The following RBFOX2 variants were observed in gnomAD, a reference collection of about 807,000 sequenced individuals.
RBFOX2 encodes the protein RNA binding protein fox-1 homolog 2.
In RBFOX2, 10 loss-of-function variants were observed where a neutral mutation model predicts 49.1. That is an observed-to-expected ratio of 0.20 (90% CI 0.13 to 0.35). The LOEUF (loss-of-function observed/expected upper bound fraction) is 0.35, where lower values mean the gene tolerates loss of function less well. RBFOX2 is among the 10% of genes least tolerant of loss of function. RBFOX2 has a pLI of 1.00. For synonymous variants in RBFOX2, 183 were observed against 187.4 expected (o/e 0.98, Z 0.19); for missense variants, 323 against 486.9 (o/e 0.66, Z 3.17).
intron 1 of RBFOX2, among the ~76,000 whole-genome samples, chr22:35,972,130 G>C (rs947220299): frequency 6.6e-6 from 1 of 151,926 alleles, no homozygotes; most frequent in East Asian, 1.9e-4. Flanking sequence ...CTAGAGCCCA[G>C]AAACCCCCCA....
chr22:36,010,409 G>A (rs1183244701), intron 1 of RBFOX2, among the ~76,000 whole-genome samples: 1 of 152,070 alleles, frequency 6.6e-6, no homozygotes, highest in Non-Finnish European at 1.5e-5. Flanking sequence ...CACAGAGACT[G>A]CGCGGGCCTA....
At chr22:35,972,337 T>A (rs1173359542) in intron 1 of RBFOX2, among the ~76,000 whole-genome samples, 1 of 152,052 alleles carries the variant, frequency 6.6e-6, no homozygotes, top group Admixed American at 6.6e-5. Flanking sequence ...GGCATAGTTC[T>A]CCTAGCATTC....
intron 1 of RBFOX2, among the ~76,000 whole-genome samples, chr22:36,019,305 C>A (rs930904197): frequency 6.6e-6 from 1 of 152,222 alleles, no homozygotes; most frequent in Admixed American, 6.5e-5. Context: ...TCATTCCACT[C>A]CTCCACCCTG....
At chr22:35,822,190 A>G (rs577245320) in intron 1 of RBFOX2, among the ~76,000 whole-genome samples, 1 of 152,178 alleles carries the variant, frequency 6.6e-6, no homozygotes, top group South Asian at 2.1e-4. Context: ...TGTGTCTTGT[A>G]TTTTCCATTT....
chr22:35,801,323 G>A (rs1271982937), intron 2 of RBFOX2, among the ~76,000 whole-genome samples: 2 of 152,076 alleles, frequency 1.3e-5, no homozygotes, highest in African/African-American at 4.8e-5. Flanking sequence ...ACCATTTTAA[G>A]AGACATATAG....
At chr22:36,004,976 T>G (rs982422662) in intron 1 of RBFOX2, among the ~76,000 whole-genome samples, 1 of 152,118 alleles carries the variant, frequency 6.6e-6, no homozygotes, top group African/African-American at 2.4e-5. Flanking sequence ...CAGACTCCCA[T>G]TCTCTGAGGA....
chr22:35,753,713 G>C (rs1935813913), intron 9 of RBFOX2, among the ~76,000 whole-genome samples: 1 of 143,878 alleles, frequency 7.0e-6, no homozygotes, highest in Non-Finnish European at 1.5e-5. Flanking sequence ...AAGTAAGGAA[G>C]TAAGATAACT....
intron 1 of RBFOX2, among the ~76,000 whole-genome samples, chr22:35,828,229 A>C (rs1304005594): frequency 6.6e-6 from 1 of 152,086 alleles, no homozygotes; most frequent in East Asian, 1.9e-4. Context: ...CACAAAATAC[A>C]TGAAACAACA....
At position 35,829,105 on chromosome 22, in the gene RBFOX2, A is replaced by T. The variant is rs1251365427; in HGVS notation, c.27+11087T>A. ...AACAACCCAAGACCCGAAAGGATCAAACTTTTTCTAAGAAACGCAGTTGTG... is the reference window on the plus strand; with the variant it reads ...AACAACCCAAGACCCGAAAGGATCATACTTTTTCTAAGAAACGCAGTTGTG... On this transcript the variant is annotated intron_variant, in intron 1 of 11. Coordinates refer to ENST00000405409, the Ensembl canonical transcript of RBFOX2. 4.6e-5 allele frequency among the ~76,000 whole-genome samples: 7 copies of T among 152,186 alleles called. No homozygotes were observed. In the East Asian group the frequency reaches 1.3e-3, roughly 29 times the overall value.
At chr22:35,835,366 T>C (rs1603365775) in intron 1 of RBFOX2, among the ~76,000 whole-genome samples, 1 of 152,192 alleles carries the variant, frequency 6.6e-6, no homozygotes, top group Non-Finnish European at 1.5e-5. Context: ...CATAAACAGA[T>C]GTCCAAGAAA....
At chr22:35,764,675 A>G (rs1940353114) in intron 6 of RBFOX2, among the ~76,000 whole-genome samples, 1 of 152,092 alleles carries the variant, frequency 6.6e-6, no homozygotes, top group Non-Finnish European at 1.5e-5. Flanking sequence ...TGCTCAGACT[A>G]AAGTACAGCT....
chr22:35,984,891 A>G (rs1334257512), intron 1 of RBFOX2, among the ~76,000 whole-genome samples: 1 of 152,192 alleles, frequency 6.6e-6, no homozygotes, highest in East Asian at 1.9e-4. Context: ...TCATTCAACA[A>G]ATACCGAGAA....
intron 1 of RBFOX2, among the ~76,000 whole-genome samples, chr22:35,814,967 C>T (rs1489315252): frequency 6.6e-6 from 1 of 152,128 alleles, no homozygotes; most frequent in African/African-American, 2.4e-5. Flanking sequence ...TCCGCAGCTA[C>T]TTGAATCCAC....
At chr22:35,937,384 C>T (rs2053207591) in intron 1 of RBFOX2, among the ~76,000 whole-genome samples, 2 of 152,146 alleles carry the variant, frequency 1.3e-5, no homozygotes, top group Non-Finnish European at 2.9e-5. Context: ...TCTTCAATAT[C>T]AACAGTGATG....
intron 2 of RBFOX2, among the ~76,000 whole-genome samples, chr22:35,808,991 T>C (rs749255264): frequency 8.7e-4 from 132 of 151,602 alleles, no homozygotes; most frequent in Non-Finnish European, 1.9e-4. Flanking sequence ...AGTACGGAGT[T>C]CAGATTATAT....
intron 1 of RBFOX2, among the ~76,000 whole-genome samples, chr22:35,882,753 T>TA (rs1481334898): frequency 6.6e-6 from 1 of 152,110 alleles, no homozygotes; most frequent in East Asian, 1.9e-4. Flanking sequence ...AGTGGGTAAA[T>TA]ACGGGGGTGG....
At chr22:35,947,128 G>A (rs1248435323) in intron 1 of RBFOX2, among the ~76,000 whole-genome samples, 1 of 152,056 alleles carries the variant, frequency 6.6e-6, no homozygotes, top group Admixed American at 6.5e-5. Flanking sequence ...GGAAGCAGAG[G>A]CTGCAGTGAG....
At chr22:35,980,177 C>T (rs1232707792) in intron 1 of RBFOX2, among the ~76,000 whole-genome samples, 1 of 152,070 alleles carries the variant, frequency 6.6e-6, no homozygotes, top group Non-Finnish European at 1.5e-5. Context: ...ACGGAATATA[C>T]TTAGGTCATG....
At chr22:35,840,307 A>G (rs369246611) in exon 1 of RBFOX2, 140 of 1,549,064 alleles carry the variant, frequency 9.0e-5, no homozygotes, top group African/African-American at 6.2e-4. Context: ...TCCCCCCCCA[A>G]TCTAGCTATT....
Sources: gnomAD v4.1 joint callset for allele counts (sites outside exome capture counted in the v4.1 genomes callset) on GRCh38, gnomAD v4.1.1 for gene constraint, MANE v1.5 for transcripts, NCBI Gene and HGNC (gene_info 2026-07-23, HGNC 2026-07-21) for gene names.